Variants in BRD10 observed in about 807,000 individuals in gnomAD.
The protein encoded by BRD10 is bromodomain containing 10.
the BRD10 span, among the ~76,000 whole-genome samples, chr9:5,942,418 C>T: frequency 6.6e-6 from 1 of 152,072 alleles, no homozygotes; most frequent in Non-Finnish European, 1.5e-5. Context: ...TAACATATAA[C>T]ATAACGTAAC....
the BRD10 span, among the ~76,000 whole-genome samples, chr9:5,917,242 T>C: frequency 7.2e-5 from 11 of 152,232 alleles, no homozygotes; most frequent in African/African-American, 1.9e-4. Context: ...AATATAATAA[T>C]GCTGGCTGAG....
chr9:5,974,788 G>A, the BRD10 span, among the ~76,000 whole-genome samples: 1 of 152,200 alleles, frequency 6.6e-6, no homozygotes, highest in Non-Finnish European at 1.5e-5. Flanking sequence ...CATAGTGCCT[G>A]TTCCCACTAA....
chr9:5,913,932 G>T, the BRD10 span: 1 of 425,100 alleles, frequency 2.4e-6, no homozygotes, highest in Admixed American at 2.7e-5. Context: ...GAAGCATGAC[G>T]CCTACAGGAA....
chr9:5,945,787 TA>T, the BRD10 span, among the ~76,000 whole-genome samples: 2 of 151,882 alleles, frequency 1.3e-5, no homozygotes, highest in African/African-American at 4.8e-5. Flanking sequence ...TTAAGCTATT[TA>T]AAAAAAATTA....
chr9:5,921,692 G>C, the BRD10 span: 2 of 1,613,874 alleles, frequency 1.2e-6, no homozygotes, highest in South Asian at 2.2e-5. Flanking sequence ...TTTAGTTGGA[G>C]TATGAATAAT....
chr9:6,006,536 G>A, the BRD10 span, among the ~76,000 whole-genome samples: 1 of 152,180 alleles, frequency 6.6e-6, no homozygotes, highest in Non-Finnish European at 1.5e-5. Flanking sequence ...CAAGAGCACA[G>A]TATCATCTGA....
chr9:5,900,355 T>C, the BRD10 span, among the ~76,000 whole-genome samples: 2 of 152,254 alleles, frequency 1.3e-5, no homozygotes, highest in South Asian at 4.1e-4. Context: ...TCCTGGTTTA[T>C]TTAATTTCCA....
At chr9:5,960,876 A>T in the BRD10 span, among the ~76,000 whole-genome samples, 1 of 152,236 alleles carries the variant, frequency 6.6e-6, no homozygotes, top group African/African-American at 2.4e-5. Flanking sequence ...AGCCATTTAA[A>T]ATGATGCTAC....
the BRD10 span, among the ~76,000 whole-genome samples, chr9:5,992,803 A>T: frequency 6.6e-6 from 1 of 152,058 alleles, no homozygotes; most frequent in South Asian, 2.1e-4. Flanking sequence ...GATTCTGTTT[A>T]AAATTATTAC....
At chr9:5,950,244 G>A in the BRD10 span, among the ~76,000 whole-genome samples, 3 of 152,062 alleles carry the variant, frequency 2.0e-5, no homozygotes, top group African/African-American at 4.8e-5. Context: ...GTCAATAATA[G>A]ATGTTTTTAT....
At chr9:5,963,930 T>C in the BRD10 span, among the ~76,000 whole-genome samples, 3 of 151,512 alleles carry the variant, frequency 2.0e-5, no homozygotes, top group African/African-American at 7.3e-5. Flanking sequence ...ATTTAAACGT[T>C]AGACCTAAAA....
At chr9:5,969,485 A>C in the BRD10 span, 1 of 1,221,416 alleles carries the variant, frequency 8.2e-7, no homozygotes, top group Non-Finnish European at 1.1e-6. Context: ...GGGTACCATA[A>C]AATGATAAAT....
chr9:5,993,312 T>A, the BRD10 span, among the ~76,000 whole-genome samples: 3 of 116,676 alleles, frequency 2.6e-5, no homozygotes, highest in Admixed American at 9.1e-5. Context: ...GAGACTCCAT[T>A]AAAAAAAAAA....
At chr9:5,966,469 T>TTTC in the BRD10 span, among the ~76,000 whole-genome samples, 4 of 139,992 alleles carry the variant, frequency 2.9e-5, no homozygotes, top group Admixed American at 7.2e-5. Flanking sequence ...TTTTTTTTTT[T>TTTC]TTTTTTTTGA....
At chr9:5,945,553 A>G in the BRD10 span, among the ~76,000 whole-genome samples, 1 of 152,108 alleles carries the variant, frequency 6.6e-6, no homozygotes, top group African/African-American at 2.4e-5. Flanking sequence ...GATAGCATCT[A>G]TTTCCTTTCA....
chr9:6,007,813 T>G, the BRD10 span: 1 of 1,444,790 alleles, frequency 6.9e-7, no homozygotes, highest in Non-Finnish European at 9.0e-7. Flanking sequence ...GGCTGGGCGG[T>G]GTGGAACAGC....
At chr9:5,914,125 G>C in the BRD10 span, 1 of 431,274 alleles carries the variant, frequency 2.3e-6, no homozygotes, top group South Asian at 1.7e-5. Context: ...TAAATTTCAG[G>C]TTTTCCCAAG....
chr9:5,974,046 C>G, the BRD10 span, among the ~76,000 whole-genome samples: 17 of 151,682 alleles, frequency 1.1e-4, no homozygotes, highest in African/African-American at 4.1e-4. Flanking sequence ...AGGAAGCCCC[C>G]AAAAATAAAT....
At chr9:5,892,407 G>A in the BRD10 span, 1 of 1,399,760 alleles carries the variant, frequency 7.1e-7, no homozygotes, top group Admixed American at 1.9e-5. Context: ...TGAATAGGGT[G>A]GCTTTGGATG....
Sources: gnomAD v4.1 joint callset for allele counts (sites outside exome capture counted in the v4.1 genomes callset) on GRCh38, gnomAD v4.1.1 for gene constraint, MANE v1.5 for transcripts, NCBI Gene and HGNC (gene_info 2026-07-23, HGNC 2026-07-21) for gene names.